RBFOX1: variants seen among roughly 807,000 people sequenced by gnomAD.
RBFOX1 encodes RNA binding protein fox-1 homolog 1.
A neutral mutation model predicts 57.7 loss-of-function variants in RBFOX1; 8 were observed. The observed-to-expected ratio is 0.14, with a 90% confidence interval of 0.08 to 0.25. RBFOX1 has a LOEUF of 0.25. Among genes scored for constraint, RBFOX1 ranks in the 10% least tolerant of loss-of-function variants. The probability of loss-of-function intolerance (pLI) is 1.00; values close to 1 mark genes in which losing one functional copy is unlikely to be tolerated. For synonymous variants in RBFOX1, 326 were observed against 222.4 expected, an observed-to-expected ratio of 1.47 and a Z score of -4.15; for missense variants, 611 against 548.5, an observed-to-expected ratio of 1.11 and a Z score of -1.14.
At chr16:5,460,239 G>C (rs954055132) in intron 1 of RBFOX1, among the ~76,000 whole-genome samples, 2 of 152,206 alleles carry the variant, frequency 1.3e-5, no homozygotes, top group African/African-American at 4.8e-5. Flanking sequence ...TTGAATCCCA[G>C]CCCACTGACT....
intron 1 of RBFOX1, among the ~76,000 whole-genome samples, chr16:5,408,351 T>C (rs13337226): frequency 0.15 from 23,235 of 152,194 alleles, 1,871 homozygotes; most frequent in Middle Eastern, 0.21. Flanking sequence ...ATCAATACAT[T>C]CCTTTTTTTA....
chr16:5,375,265 A>C (rs1009474643), intron 1 of RBFOX1, among the ~76,000 whole-genome samples: 28 of 152,138 alleles, frequency 1.8e-4, no homozygotes, highest in African/African-American at 6.8e-4. Context: ...TTGACCATGG[A>C]AGCTGTTTTC....
At chr16:6,212,874 T>C (rs2097307850) in intron 1 of RBFOX1, among the ~76,000 whole-genome samples, 1 of 152,074 alleles carries the variant, frequency 6.6e-6, no homozygotes, top group South Asian at 2.1e-4. Context: ...AAGAGACCAA[T>C]AGTAAAAAAA....
At chr16:5,557,882 A>T (rs1461511673) in intron 2 of RBFOX1, among the ~76,000 whole-genome samples, 1 of 152,202 alleles carries the variant, frequency 6.6e-6, no homozygotes, top group Non-Finnish European at 1.5e-5. Context: ...CTTAGTGGCC[A>T]CACCGACAAA....
chr16:7,555,066 G>A (rs551123558), intron 5 of RBFOX1, among the ~76,000 whole-genome samples: 1 of 152,104 alleles, frequency 6.6e-6, no homozygotes, highest in African/African-American at 2.4e-5. Context: ...TCGGATAAAG[G>A]GTATTTGCTA....
intron 1 of RBFOX1, among the ~76,000 whole-genome samples, chr16:5,256,160 A>G (rs1284574752): frequency 6.6e-6 from 1 of 152,204 alleles, no homozygotes; most frequent in Non-Finnish European, 1.5e-5. Context: ...GGCCTGGCCC[A>G]ATCCTGGAGA....
intron 4 of RBFOX1, among the ~76,000 whole-genome samples, chr16:5,973,875 C>A (rs1255367352): frequency 6.6e-6 from 1 of 152,172 alleles, no homozygotes; most frequent in African/African-American, 2.4e-5. Flanking sequence ...TCTCCTGTAC[C>A]TTAAACTTCA....
chr16:6,597,546 G>C (rs757235734), intron 2 of RBFOX1, among the ~76,000 whole-genome samples: 1 of 152,110 alleles, frequency 6.6e-6, no homozygotes, highest in Non-Finnish European at 1.5e-5. Flanking sequence ...GGTTGCAGGC[G>C]CCTGTAGTCC....
At chr16:7,458,421 A>G (rs939039422) in intron 4 of RBFOX1, among the ~76,000 whole-genome samples, 1 of 152,168 alleles carries the variant, frequency 6.6e-6, no homozygotes, top group Non-Finnish European at 1.5e-5. Context: ...ATGTTCTGAG[A>G]AAGAAAATAG....
chr16:5,815,143 C>CTAATT (rs1279573930), intron 3 of RBFOX1, among the ~76,000 whole-genome samples: 1 of 143,712 alleles, frequency 7.0e-6, no homozygotes, highest in African/African-American at 2.6e-5. Flanking sequence ...CCAGGCCTGG[C>CTAATT]TAATTTAATT....
chr16:6,688,574 A>G (rs577162079), intron 3 of RBFOX1, among the ~76,000 whole-genome samples: 80 of 152,340 alleles, frequency 5.3e-4, no homozygotes, highest in Non-Finnish European at 9.4e-4. Flanking sequence ...GTCAAACTGA[A>G]GACTACCAGA....
intron 2 of RBFOX1, among the ~76,000 whole-genome samples, chr16:6,631,935 C>T (rs12325630): frequency 0.029 from 4,444 of 152,084 alleles, 227 homozygotes; most frequent in African/African-American, 0.1. Flanking sequence ...AGGTCAGTAG[C>T]GAAATGGGCA....
At chr16:7,309,097 C>T (rs2096255448) in intron 4 of RBFOX1, among the ~76,000 whole-genome samples, 1 of 152,204 alleles carries the variant, frequency 6.6e-6, no homozygotes, top group Non-Finnish European at 1.5e-5. Flanking sequence ...GGAATGAGCA[C>T]ATTTCCAGGC....
At chr16:6,136,163 C>G (rs567105916) in intron 1 of RBFOX1, among the ~76,000 whole-genome samples, 1 of 152,064 alleles carries the variant, frequency 6.6e-6, no homozygotes, top group South Asian at 2.1e-4. Flanking sequence ...GATGATAACA[C>G]CTATTAGAGG....
intron 3 of RBFOX1, among the ~76,000 whole-genome samples, chr16:6,866,984 C>T (rs943681169): frequency 6.8e-6 from 1 of 147,658 alleles, no homozygotes; most frequent in Non-Finnish European, 1.5e-5. Context: ...ATACAGAAAA[C>T]CCTCTAGTCA....
intron 3 of RBFOX1, among the ~76,000 whole-genome samples, chr16:6,850,203 A>G (rs1349631959): frequency 6.6e-6 from 1 of 152,164 alleles, no homozygotes; most frequent in African/African-American, 2.4e-5. Flanking sequence ...GTTGTTCCTC[A>G]AATGAAGCAG....
At chr16:6,275,544 T>G (rs986007100) in intron 1 of RBFOX1, among the ~76,000 whole-genome samples, 2 of 152,260 alleles carry the variant, frequency 1.3e-5, no homozygotes, top group Middle Eastern at 3.4e-3. Context: ...AAAAATGGTA[T>G]GTTGTTGTGT....
intron 1 of RBFOX1, among the ~76,000 whole-genome samples, chr16:5,337,251 A>T (rs553964095): frequency 2.0e-5 from 3 of 152,166 alleles, no homozygotes; most frequent in South Asian, 2.1e-4. Context: ...TCATGCAGGG[A>T]TGATGGCCTA....
chr16:5,901,780 G>T (rs1010016991), intron 4 of RBFOX1, among the ~76,000 whole-genome samples: 1 of 152,170 alleles, frequency 6.6e-6, no homozygotes, highest in African/African-American at 2.4e-5. Flanking sequence ...CCCAAATTGA[G>T]CTTTTCTGTA....
Sources: gnomAD v4.1 joint callset for allele counts (sites outside exome capture counted in the v4.1 genomes callset) on GRCh38, gnomAD v4.1.1 for gene constraint, MANE v1.5 for transcripts, NCBI Gene and HGNC (gene_info 2026-07-23, HGNC 2026-07-21) for gene names.